Variants in MDGA2 observed in about 807,000 individuals in gnomAD.
MDGA2 encodes MAM domain-containing glycosylphosphatidylinositol anchor protein 2.
In MDGA2, 40 loss-of-function variants were observed where a neutral mutation model predicts 117.8. That is an observed-to-expected ratio of 0.34 (90% CI 0.26 to 0.44). The LOEUF (loss-of-function observed/expected upper bound fraction) is 0.44, where lower values mean the gene tolerates loss of function less well. MDGA2 is among the 20% of genes least tolerant of loss of function. The pLI is 1.00. For missense variants in MDGA2, 1,123 were observed against 1,250.6 expected, an observed-to-expected ratio of 0.90 and a Z score of 1.54; for synonymous variants, 452 against 439.0, an observed-to-expected ratio of 1.03 and a Z score of -0.37.
chr14:47,640,035 A>G (rs1475900233), intron 1 of MDGA2, among the ~76,000 whole-genome samples: 1 of 152,190 alleles, frequency 6.6e-6, no homozygotes, highest in Non-Finnish European at 1.5e-5. Context: ...AACTCTAGGT[A>G]ACATCTTGCC....
chr14:47,117,823 G>C (rs947836852), intron 5 of MDGA2, among the ~76,000 whole-genome samples: 2 of 152,128 alleles, frequency 1.3e-5, no homozygotes, highest in Non-Finnish European at 1.5e-5. Flanking sequence ...AAGCTCTAGA[G>C]ATCTGTGGTA....
chr14:47,390,856 C>G (rs915977326), intron 1 of MDGA2, among the ~76,000 whole-genome samples: 5 of 152,092 alleles, frequency 3.3e-5, no homozygotes, highest in African/African-American at 1.2e-4. Context: ...TCCTATTTCT[C>G]TAAATGTTTC....
intron 1 of MDGA2, among the ~76,000 whole-genome samples, chr14:47,482,729 T>A (rs981071498): frequency 5.9e-5 from 9 of 152,024 alleles, no homozygotes; most frequent in Admixed American, 2.0e-4. Flanking sequence ...CCTATGTTGA[T>A]AAGTTATAGT....
chr14:47,275,774 G>A (rs1888292539), intron 2 of MDGA2, among the ~76,000 whole-genome samples: 1 of 152,092 alleles, frequency 6.6e-6, no homozygotes, highest in South Asian at 2.1e-4. Flanking sequence ...ACATTGAACT[G>A]AAGCAGAGAA....
intron 14 of MDGA2, among the ~76,000 whole-genome samples, chr14:46,859,141 A>G (rs1192913174): frequency 7.9e-5 from 12 of 152,132 alleles, no homozygotes; most frequent in African/African-American, 2.9e-4. Context: ...GAATGTCTAG[A>G]GAAGGCCTTT....
At chr14:47,662,035 C>G (rs1442532606) in intron 1 of MDGA2, among the ~76,000 whole-genome samples, 1 of 151,980 alleles carries the variant, frequency 6.6e-6, no homozygotes, top group African/African-American at 2.4e-5. Flanking sequence ...CCGCACCCAG[C>G]CAGTAGTTGG....
At chr14:46,999,693 G>A (rs141010699) in intron 8 of MDGA2, among the ~76,000 whole-genome samples, 52 of 152,032 alleles carry the variant, frequency 3.4e-4, no homozygotes, top group Non-Finnish European at 6.2e-4. Flanking sequence ...ATCTTCCCTC[G>A]TCTGACAGCT....
chr14:46,934,376 G>A (rs1195538107), intron 9 of MDGA2, among the ~76,000 whole-genome samples: 5 of 152,020 alleles, frequency 3.3e-5, no homozygotes, highest in Non-Finnish European at 7.4e-5. Flanking sequence ...TTTTATATAG[G>A]AATTTACAGC....
chr14:46,998,345 C>T (rs1243773168), intron 8 of MDGA2, among the ~76,000 whole-genome samples: 2 of 152,006 alleles, frequency 1.3e-5, no homozygotes, highest in East Asian at 1.9e-4. Context: ...ACCAAGTCAA[C>T]TGTAAGAAGG....
At chr14:47,657,042 TC>T (rs1456709512) in intron 1 of MDGA2, among the ~76,000 whole-genome samples, 1 of 152,130 alleles carries the variant, frequency 6.6e-6, no homozygotes, top group Non-Finnish European at 1.5e-5. Context: ...TCAGCCAAAG[TC>T]CCAGCTATCT....
chr14:47,132,570 T>G (rs1000883904), intron 4 of MDGA2, among the ~76,000 whole-genome samples: 1 of 151,852 alleles, frequency 6.6e-6, no homozygotes, highest in Non-Finnish European at 1.5e-5. Flanking sequence ...CAAGAAAGAC[T>G]TTGTAAAAAC....
At chr14:47,513,316 T>C (rs1246468624) in intron 1 of MDGA2, among the ~76,000 whole-genome samples, 3 of 152,162 alleles carry the variant, frequency 2.0e-5, no homozygotes, top group African/African-American at 7.2e-5. Flanking sequence ...AGTAATAGTT[T>C]ATGTACTAGT....
At chr14:47,208,527 ACT>A (rs1450115051) in intron 3 of MDGA2, among the ~76,000 whole-genome samples, 1 of 101,584 alleles carries the variant, frequency 9.8e-6, no homozygotes, top group Admixed American at 1.3e-4. Context: ...CCTTCTCTAA[ACT>A]CTTTTTTTTT....
chr14:46,869,793 A>C (rs1271952746), intron 14 of MDGA2, among the ~76,000 whole-genome samples: 2 of 151,948 alleles, frequency 1.3e-5, no homozygotes, highest in East Asian at 3.9e-4. Context: ...ACTTGCTTTG[A>C]AGAAAGCCTG....
intron 1 of MDGA2, among the ~76,000 whole-genome samples, chr14:47,622,717 G>C (rs940183601): frequency 1.3e-5 from 2 of 152,180 alleles, no homozygotes; most frequent in Non-Finnish European, 2.9e-5. Context: ...TCTAGGTGTT[G>C]TTGCTAGCCT....
At chr14:47,673,154 G>C (rs1344768050) in intron 1 of MDGA2, among the ~76,000 whole-genome samples, 1 of 152,132 alleles carries the variant, frequency 6.6e-6, no homozygotes, top group Non-Finnish European at 1.5e-5. Context: ...CCTCAGCACT[G>C]TTCAGCCCTG....
intron 10 of MDGA2, among the ~76,000 whole-genome samples, chr14:46,895,459 C>T (rs34195775): frequency 0.013 from 1,936 of 152,274 alleles, 44 homozygotes; most frequent in African/African-American, 0.043. Context: ...GGCGCGGTGC[C>T]TCATGCCTGT....
At chr14:46,860,615 T>G (rs1200620791) in intron 14 of MDGA2, among the ~76,000 whole-genome samples, 2 of 152,024 alleles carry the variant, frequency 1.3e-5, no homozygotes, top group Non-Finnish European at 2.9e-5. Flanking sequence ...AATCTCAAAC[T>G]TGTCTTCCAC....
intron 3 of MDGA2, among the ~76,000 whole-genome samples, chr14:47,158,780 T>G (rs1272959760): frequency 6.6e-6 from 1 of 152,172 alleles, no homozygotes; most frequent in Admixed American, 6.5e-5. Flanking sequence ...TGCTAAAACT[T>G]GTAGACAACT....
Sources: gnomAD v4.1 joint callset for allele counts (sites outside exome capture counted in the v4.1 genomes callset) on GRCh38, gnomAD v4.1.1 for gene constraint, MANE v1.5 for transcripts, NCBI Gene and HGNC (gene_info 2026-07-23, HGNC 2026-07-21) for gene names.